Variants in CCDC171 observed in about 807,000 individuals in gnomAD.
CCDC171 encodes the protein coiled-coil domain-containing protein 171.
Under a neutral mutation model 168.2 loss-of-function variants are expected in CCDC171, and 177 were observed. The ratio of observed to expected loss-of-function variants is 1.05; its 90% confidence interval spans 0.93 to 1.19. The LOEUF is 1.19. CCDC171 is among the 50% of genes most tolerant of loss of function. The pLI is 0.00. For synonymous variants in CCDC171, 687 were observed against 540.8 expected (o/e 1.27, Z -3.75); for missense variants, 1,991 against 1,539.0 (o/e 1.29, Z -4.91).
At chr9:15,632,572 A>G (rs1040038846) in intron 7 of CCDC171, among the ~76,000 whole-genome samples, 9 of 152,188 alleles carry the variant, frequency 5.9e-5, no homozygotes, top group Admixed American at 1.3e-4. Flanking sequence ...GGAAGAATCA[A>G]TATCGTGAAA....
chr9:16,041,760 G>A (rs1240140214), upstream of CCDC171, among the ~76,000 whole-genome samples: 2 of 152,080 alleles, frequency 1.3e-5, no homozygotes, highest in Non-Finnish European at 1.5e-5. Flanking sequence ...TATAGTTCTT[G>A]GCCACACCTT....
At chr9:15,791,851 A>T (rs1286440202) in intron 21 of CCDC171, among the ~76,000 whole-genome samples, 8 of 152,240 alleles carry the variant, frequency 5.3e-5, no homozygotes, top group Admixed American at 1.3e-4. Context: ...GACCAAAGGT[A>T]GATAAAACCA....
At chr9:15,596,710 C>A (rs1389402543) in intron 6 of CCDC171, among the ~76,000 whole-genome samples, 3 of 151,714 alleles carry the variant, frequency 2.0e-5, no homozygotes, top group Admixed American at 6.6e-5. Context: ...ATGGGGATGG[C>A]ATTGAATCTA....
the CCDC171 span, among the ~76,000 whole-genome samples, chr9:16,093,541 C>G: frequency 2.0e-5 from 3 of 152,210 alleles, no homozygotes; most frequent in African/African-American, 7.2e-5. Flanking sequence ...TAATGAGTGG[C>G]TCCAGTGAAG....
rs556719113 is a variant in CCDC171 at position 15,806,998 on chromosome 9, C to T, written c.3267+22304C>T. ...TCAAGTTCCAAGATTCTCTTCTCAG[C>T]TTGGTTTACTCTGCTGTTAATATTG... is the stretch of plus-strand genomic sequence containing the variant. On this transcript the variant is annotated intron_variant, in intron 21 of 25. Coordinates refer to ENST00000380701, the MANE Select transcript of CCDC171 (RefSeq NM_173550.4). Among the ~76,000 whole-genome samples the T allele has an allele frequency of 1.8e-3, 278 of 152,238 alleles. 1 individual carries two copies. Among genetic ancestry groups the T allele is most frequent in the Middle Eastern group, 0.014 (4 of 294 alleles).
the CCDC171 span, among the ~76,000 whole-genome samples, chr9:16,092,763 T>C: frequency 6.6e-6 from 1 of 152,194 alleles, no homozygotes; most frequent in Non-Finnish European, 1.5e-5. Context: ...AGATTCACCC[T>C]ACAAGAGATC....
intron 9 of CCDC171, among the ~76,000 whole-genome samples, chr9:15,670,269 A>C (rs2133233285): frequency 6.6e-6 from 1 of 152,298 alleles, no homozygotes; most frequent in South Asian, 2.1e-4. Context: ...TACCAAAAAA[A>C]AAGCTGTGTG....
At chr9:15,623,506 C>CACACAT (rs768133705) in intron 7 of CCDC171, 93 bp downstream of exon 7, 11 of 656,142 alleles carry the variant, frequency 1.7e-5, no homozygotes, top group Middle Eastern at 4.4e-4. Context: ...CACACACACA[C>CACACAT]ATAAAACCCA....
intron 6 of CCDC171, among the ~76,000 whole-genome samples, chr9:16,033,195 T>C (rs1299284139): frequency 2.0e-5 from 3 of 152,196 alleles, no homozygotes; most frequent in African/African-American, 7.2e-5. Context: ...AAGGCTCTAG[T>C]ACGTGTCTGA....
intron 6 of CCDC171, among the ~76,000 whole-genome samples, chr9:15,601,148 C>G (rs1312637974): frequency 6.6e-6 from 1 of 152,130 alleles, no homozygotes; most frequent in African/African-American, 2.4e-5. Flanking sequence ...TGTCCTGCAC[C>G]CACTCTCTGA....
intron 3 of CCDC171, among the ~76,000 whole-genome samples, chr9:15,573,033 C>A (rs1472006858): frequency 6.6e-6 from 1 of 152,126 alleles, no homozygotes; most frequent in Non-Finnish European, 1.5e-5. Flanking sequence ...GTGGCACACA[C>A]CTGTAATCTC....
At chr9:16,104,522 T>C in the CCDC171 span, among the ~76,000 whole-genome samples, 1 of 152,140 alleles carries the variant, frequency 6.6e-6, no homozygotes, top group South Asian at 2.1e-4. Flanking sequence ...ACCTATTGAC[T>C]GAGCTGCTTT....
chr9:16,105,963 T>G, the CCDC171 span, among the ~76,000 whole-genome samples: 75,277 of 152,118 alleles, frequency 0.49, 20,962 homozygotes, highest in African/African-American at 0.75. Flanking sequence ...GGGCATCCAT[T>G]TGCATTAACG....
At chr9:15,659,988 CTTAA>C (rs376743364) in intron 8 of CCDC171, among the ~76,000 whole-genome samples, 2 of 152,210 alleles carry the variant, frequency 1.3e-5, no homozygotes, top group African/African-American at 4.8e-5. Flanking sequence ...GTCTAAATTA[CTTAA>C]TTTAATTTAC....
chr9:15,824,014 C>G (rs1461851609), intron 21 of CCDC171, among the ~76,000 whole-genome samples: 1 of 152,058 alleles, frequency 6.6e-6, no homozygotes, highest in Non-Finnish European at 1.5e-5. Flanking sequence ...TGATTTTCCC[C>G]TATCAAGCCA....
At chr9:15,739,892 C>T (rs2054742006) in intron 16 of CCDC171, among the ~76,000 whole-genome samples, 1 of 152,066 alleles carries the variant, frequency 6.6e-6, no homozygotes, top group African/African-American at 2.4e-5. Flanking sequence ...AGCGTGCCAC[C>T]ATGCCTGGCT....
chr9:16,036,605 C>G (rs1430822116), intron 8 of CCDC171, among the ~76,000 whole-genome samples: 1 of 152,182 alleles, frequency 6.6e-6, no homozygotes, highest in Non-Finnish European at 1.5e-5. Flanking sequence ...GATCGCGCCA[C>G]TGCACTCCAG....
intron 24 of CCDC171, among the ~76,000 whole-genome samples, chr9:15,909,698 T>C (rs1563983456): frequency 6.6e-6 from 1 of 152,174 alleles, no homozygotes; most frequent in Non-Finnish European, 1.5e-5. Flanking sequence ...ATTATTAAAA[T>C]ATTGGAATGA....
chr9:15,906,290 C>A (rs1004517224), intron 24 of CCDC171, among the ~76,000 whole-genome samples: 20 of 152,254 alleles, frequency 1.3e-4, no homozygotes, highest in African/African-American at 4.6e-4. Context: ...TACTGGCAAA[C>A]CAAATCCAGC....
Sources: allele counts gnomAD v4.1 joint callset (sites outside exome capture counted in the v4.1 genomes callset), GRCh38; gene constraint gnomAD v4.1.1; transcripts MANE v1.5; gene names NCBI Gene and HGNC (gene_info 2026-07-23, HGNC 2026-07-21).